Variants in FOXN2 observed in about 807,000 individuals in gnomAD.
FOXN2 encodes forkhead box N2.
A neutral mutation model predicts 41.2 loss-of-function variants in FOXN2; 19 were observed. That is an observed-to-expected ratio of 0.46 (90% confidence interval 0.32 to 0.68). The LOEUF is 0.68. Among genes scored for constraint, FOXN2 ranks in the 30% least tolerant of loss-of-function variants. The pLI is 0.03. For synonymous variants in FOXN2, 195 were observed against 176.8 expected (o/e 1.10, Z -0.82); for missense variants, 587 against 509.4 (o/e 1.15, Z -1.47).
Position 48,377,418 on chromosome 2 carries a change from A to T in FOXN2, c.*1975A>T, listed in dbSNP as rs190915705. 5 of 152,146 alleles carry T rather than the reference A, an allele frequency of 3.3e-5. No homozygotes were observed. The East Asian group carries it at 9.6e-4, about 29-fold the overall frequency. 9.4% of individuals were successfully genotyped at this position (152,146 alleles called of 1,614,324 possible). A position where few individuals can be genotyped will look rare whatever the true frequency, so the allele number is the denominator to read the frequency against. ...AGACCTTAGGAACAGTGTTTCAGTG[A>T]TCTGGCACCAGTTTATTTTGTTCTG... On this transcript the variant is annotated 3_prime_UTR_variant, in exon 7 of 7. Transcript: ENST00000340553.
At chr2:48,338,092 G>T (rs1670484104) in intron 2 of FOXN2, among the ~76,000 whole-genome samples, 2 of 152,090 alleles carry the variant, frequency 1.3e-5, no homozygotes, top group Admixed American at 1.3e-4. Flanking sequence ...AAATTTCAGA[G>T]AATTGATACC....
intron 1 of FOXN2, among the ~76,000 whole-genome samples, chr2:48,320,570 G>T (rs1669239764): frequency 6.6e-6 from 1 of 152,098 alleles, no homozygotes; most frequent in Admixed American, 6.5e-5. Flanking sequence ...AATTACAGGT[G>T]TGAGCCACTG....
intron 2 of FOXN2, among the ~76,000 whole-genome samples, chr2:48,336,511 T>TA (rs1283428178): frequency 6.6e-6 from 1 of 151,450 alleles, no homozygotes; most frequent in Non-Finnish European, 1.5e-5. Flanking sequence ...TTTTTAGAAG[T>TA]ATATATCAAA....
At chr2:48,332,341 A>G (rs776287268) in intron 2 of FOXN2, among the ~76,000 whole-genome samples, 2 of 152,234 alleles carry the variant, frequency 1.3e-5, no homozygotes, top group Non-Finnish European at 2.9e-5. Context: ...AAAAGTTTAT[A>G]ATAAAGTACT....
Position 48,377,387 on chromosome 2 carries a change from CTG to C in FOXN2, c.*1946_*1947del, listed in dbSNP as rs1673318326. The stretch of plus-strand genomic sequence containing the variant: ...ATTTTTAAGTTATTTACCATAGCCT[CTG>C]TATAGACCTTAGGAACAGTGTTTCA... On this transcript the variant is annotated 3_prime_UTR_variant, in exon 7 of 7. Transcript: ENST00000340553. 1 of 151,964 alleles carries C rather than the reference CTG, an allele frequency of 6.6e-6. No homozygotes were observed. The highest frequency in any genetic ancestry group is 2.4e-5 in the African/African-American group (1 of 41,424). The allele number at this position is 151,964 out of a possible 1,614,324, so 9.4% of individuals were successfully genotyped here.
intron 2 of FOXN2, among the ~76,000 whole-genome samples, chr2:48,336,039 A>T (rs75996243): frequency 0.45 from 67,522 of 149,958 alleles, 15,462 homozygotes; most frequent in East Asian, 0.52. Flanking sequence ...AAAAAAAAAA[A>T]AATAATAAAA....
In FOXN2 at chr2:48,346,703, T is replaced by C. The variant is rs145611047; in HGVS notation, c.489T>C (p.Asn163=). The change falls in exon 3 of 7, where the codon AAT becomes AAC. Residue 163 remains asparagine (N), a synonymous_variant. Transcript: ENST00000340553. ...PTGWKNSVRH[N]LSLNKCFQKV... ...GCTGGAAGAATTCTGTTCGACATAA[T>C]CTGTCCCTGAATAAATGTTTTCAGA... 3.5e-4 allele frequency: 559 copies of C among 1,609,050 alleles called. 1 individual carries two copies. Among genetic ancestry groups the C allele is most frequent in the Non-Finnish European group, 4.6e-4 (542 of 1,178,494 alleles).
chr2:48,314,267 C>G (rs1668733836), upstream of FOXN2, among the ~76,000 whole-genome samples: 1 of 152,244 alleles, frequency 6.6e-6, no homozygotes, highest in South Asian at 2.1e-4. Context: ...CGCGCCTCCT[C>G]GACCACTCAG....
In FOXN2 at chr2:48,346,339, C is replaced by G. The variant is rs780223574; in HGVS notation, c.125C>G (p.Pro42Arg). Residue 42 changes from proline (P) to arginine (R), a missense_variant, in exon 3 of 7, where the codon CCG becomes CGG. Physicochemically the swap from Pro to Arg is moderately radical, Grantham distance 103. Coordinates refer to ENST00000340553, the MANE Select transcript of FOXN2 (RefSeq NM_002158.4). Reference protein sequence around the residue: ...SLPEAVDAARPKATLVDSESA... With the variant: ...SLPEAVDAARRKATLVDSESA... ...CCTGAAGCTGTTGATGCTGCCAGGCCGAAGGCCACTCTAGTGGACAGTGAG... is the reference window on the plus strand; with the variant it reads ...CCTGAAGCTGTTGATGCTGCCAGGCGGAAGGCCACTCTAGTGGACAGTGAG... The G allele has an allele frequency of 9.9e-6, 16 of 1,614,176 alleles. No individual in the cohort carries two copies. The Admixed American group carries it at 1.7e-4, about 17-fold the overall frequency.
At chr2:48,315,854 T>C (rs952694178) in intron 1 of FOXN2, among the ~76,000 whole-genome samples, 3 of 152,204 alleles carry the variant, frequency 2.0e-5, no homozygotes, top group African/African-American at 4.8e-5. Context: ...TTTACAGCAG[T>C]CTCTGAACTT....
At chr2:48,322,814 A>T (rs1669421833) in intron 1 of FOXN2, among the ~76,000 whole-genome samples, 1 of 148,978 alleles carries the variant, frequency 6.7e-6, no homozygotes, top group South Asian at 2.1e-4. Flanking sequence ...AATTTTTTTA[A>T]GTTTACTTTG....
At position 48,375,085 on chromosome 2, in the gene FOXN2, G is replaced by A. The variant is rs751841139; in HGVS notation, c.938G>A (p.Arg313His). The change falls in exon 7 of 7, where the codon CGT becomes CAT. Residue 313 changes from arginine (R) to histidine (H), a missense_variant. Arg to His is a conservative substitution (Grantham distance 29, BLOSUM62 0). Transcript: ENST00000340553. ...AGTGCAAGTAGCATGGCAGCACAGC[G>A]TTGTGCATCCAGGTCTAGCGTGTCT... is the stretch of plus-strand genomic sequence containing the variant. ...NYSASSMAAQ[R>H]CASRSSVSSL... is the part of the protein sequence containing the mutation. 1.1e-5 allele frequency: 18 copies of A among 1,613,972 alleles called. No individual in the cohort carries two copies. The highest frequency in any genetic ancestry group is 9.9e-5 in the South Asian group (9 of 91,092).
intron 6 of FOXN2, among the ~76,000 whole-genome samples, chr2:48,373,672 G>T (rs1021082029): frequency 2.0e-5 from 3 of 152,090 alleles, no homozygotes; most frequent in African/African-American, 7.2e-5. Context: ...GTATATTTAT[G>T]AACTTGGACT....
intron 5 of FOXN2, among the ~76,000 whole-genome samples, chr2:48,365,069 C>T (rs972220669): frequency 1.3e-5 from 2 of 152,066 alleles, no homozygotes; most frequent in Non-Finnish European, 2.9e-5. Flanking sequence ...GTTTTCCTAG[C>T]GTTGCTTTGG....
chr2:48,361,763 A>G (rs1233419132), intron 4 of FOXN2, among the ~76,000 whole-genome samples: 1 of 152,200 alleles, frequency 6.6e-6, no homozygotes, highest in East Asian at 1.9e-4. Flanking sequence ...TTTCCCAAAA[A>G]TATTTTAATT....
rs1476572294 is a variant in FOXN2, at chr2:48,346,496, A to T, written c.282A>T (p.Pro94=). 1 of 1,614,058 alleles carries T rather than the reference A, an allele frequency of 6.2e-7. No individual in the cohort carries two copies. The highest frequency in any genetic ancestry group is 8.5e-7 in the Non-Finnish European group (1 of 1,180,032). ...PLYDIEGDDV[P]SFGPACYQNP... ...ATGACATAGAGGGAGATGATGTGCC[A>T]TCCTTTGGACCAGCTTGCTACCAGA... Residue 94 remains proline (P), a synonymous_variant, in exon 3 of 7, where the codon CCA becomes CCT. Coordinates refer to ENST00000340553, the MANE Select transcript of FOXN2 (RefSeq NM_002158.4).
At chr2:48,336,694 A>G (rs1670385078) in intron 2 of FOXN2, among the ~76,000 whole-genome samples, 1 of 152,116 alleles carries the variant, frequency 6.6e-6, no homozygotes, top group South Asian at 2.1e-4. Flanking sequence ...AGTAAATCCA[A>G]ATACATGTAT....
intron 3 of FOXN2, among the ~76,000 whole-genome samples, chr2:48,356,446 A>C (rs1403207020): frequency 6.6e-6 from 1 of 152,232 alleles, no homozygotes; most frequent in African/African-American, 2.4e-5. Context: ...CTCAAAAAAA[A>C]AAAAGTTAAT....
At chr2:48,341,814 C>G (rs902395043) in intron 2 of FOXN2, among the ~76,000 whole-genome samples, 1 of 152,170 alleles carries the variant, frequency 6.6e-6, no homozygotes, top group Admixed American at 6.5e-5. Flanking sequence ...AAAACATAGG[C>G]TGAGAAGAAT....
Sources: gnomAD v4.1 joint callset for allele counts (sites outside exome capture counted in the v4.1 genomes callset) on GRCh38, gnomAD v4.1.1 for gene constraint, MANE v1.5 for transcripts, NCBI Gene and HGNC (gene_info 2026-07-23, HGNC 2026-07-21) for gene names.